The following ANO2 variants were observed in gnomAD, a reference collection of about 807,000 sequenced individuals.
The protein encoded by ANO2 is anoctamin 2, also known as anoctamin-2.
In ANO2, 101 loss-of-function variants were observed where a neutral mutation model predicts 124.2. The ratio of observed to expected loss-of-function variants is 0.81; its 90% CI spans 0.69 to 0.96. ANO2 has a LOEUF of 0.96. Ranked by LOEUF, ANO2 falls within the 40% of genes least tolerant of loss-of-function variation. The probability of loss-of-function intolerance (pLI) is 0.00; values close to 1 mark genes in which losing one functional copy is unlikely to be tolerated. For missense variants in ANO2, 1,293 were observed against 1,274.5 expected (o/e 1.01, Z -0.22); for synonymous variants, 486 against 482.5 (o/e 1.01, Z -0.09).
At chr12:5,922,594 C>CA (rs1941759973) in intron 2 of ANO2, 26 bp downstream of exon 2, 1 of 1,474,640 alleles carries the variant, frequency 6.8e-7, no homozygotes, top group Admixed American at 2.1e-5. Context: ...GCCTATCCCC[C>CA]CACCCCACCC....
intron 3 of ANO2, among the ~76,000 whole-genome samples, chr12:5,895,848 G>T (rs1412317269): frequency 6.6e-6 from 1 of 151,986 alleles, no homozygotes; most frequent in Non-Finnish European, 1.5e-5. Context: ...TATGTTTACA[G>T]CAGCACAATT....
intron 15 of ANO2, among the ~76,000 whole-genome samples, chr12:5,647,427 C>A (rs1052571376): frequency 6.6e-6 from 1 of 152,190 alleles, no homozygotes; most frequent in Non-Finnish European, 1.5e-5. Flanking sequence ...GAGAGGGCCA[C>A]CCCACAGCCC....
chr12:5,928,470 C>T (rs28510535), intron 1 of ANO2, among the ~76,000 whole-genome samples: 16,268 of 90,530 alleles, frequency 0.18, 5,615 homozygotes, highest in East Asian at 0.65. Flanking sequence ...TTTCCTTCGT[C>T]ACTAGTCTAC....
chr12:5,800,147 G>C (rs1047177049), intron 9 of ANO2, among the ~76,000 whole-genome samples: 4 of 152,180 alleles, frequency 2.6e-5, no homozygotes, highest in Non-Finnish European at 5.9e-5. Context: ...CACAAAGGAA[G>C]GGGGGAGGGT....
intron 2 of ANO2, 123 bp from the exon 3 acceptor site, chr12:5,921,489 G>A (rs1941700136): frequency 4.3e-6 from 4 of 936,678 alleles, no homozygotes; most frequent in African/African-American, 1.7e-5. Context: ...CAGGCCCAAA[G>A]GCCCCCAGTG....
At chr12:5,899,742 G>A (rs1940053880) in intron 3 of ANO2, among the ~76,000 whole-genome samples, 1 of 152,190 alleles carries the variant, frequency 6.6e-6, no homozygotes, top group Non-Finnish European at 1.5e-5. Flanking sequence ...CATGTCATCT[G>A]CTGGTCTAGC....
chr12:5,638,527 G>T (rs561178860), intron 15 of ANO2, among the ~76,000 whole-genome samples: 1 of 117,756 alleles, frequency 8.5e-6, no homozygotes, highest in Non-Finnish European at 1.9e-5. Context: ...GAGCCACCAT[G>T]GCCGGCCCAC....
rs74978582 is a variant in ANO2 at position 5,631,992 on chromosome 12, G to A, written c.1816+3160C>T. Among the ~76,000 whole-genome samples the A allele has an allele frequency of 2.6e-3, 396 of 152,256 alleles. 1 individual carries two copies. Among genetic ancestry groups the A allele is most frequent in the African/African-American group, 8.9e-3 (368 of 41,542 alleles). On this transcript the variant is annotated intron_variant, in intron 16 of 24. Coordinates refer to ENST00000682330, the MANE Select transcript of ANO2 (RefSeq NM_001364791.2). The stretch of plus-strand genomic sequence containing the variant: ...AGAGGCTGAGGACAATGGCACAGGC[G>A]TTAGGCTGTGAAAACCATCCAGACA...
At position 5,929,859 on chromosome 12, in the gene ANO2, C is replaced by T. The variant is rs773010082; in HGVS notation, c.23-7055G>A. 4.0e-3 allele frequency among the ~76,000 whole-genome samples: 546 copies of T among 136,896 alleles called. 11 individuals are homozygous for T. Among genetic ancestry groups the T allele is most frequent in the African/African-American group, 0.017 (511 of 29,880 alleles). The allele number at this position is 136,896 out of a possible 152,430, so 89.8% of individuals were successfully genotyped here. ...CTTACTAGTCTACCTTCTTTCCTCA[C>T]TCGTCTGCCTTCTTTCCTTATTAGT... is the stretch of plus-strand genomic sequence containing the variant. On this transcript the variant is annotated intron_variant, in intron 1 of 24. Coordinates refer to ENST00000682330, the MANE Select transcript of ANO2 (RefSeq NM_001364791.2).
intron 14 of ANO2, among the ~76,000 whole-genome samples, chr12:5,702,747 A>T (rs968695210): frequency 6.6e-6 from 1 of 152,202 alleles, no homozygotes; most frequent in African/African-American, 2.4e-5. Context: ...GACATTTCTT[A>T]AGACACAAAA....
intron 15 of ANO2, among the ~76,000 whole-genome samples, chr12:5,646,005 G>A (rs1565516652): frequency 6.6e-6 from 1 of 152,270 alleles, no homozygotes; most frequent in African/African-American, 2.4e-5. Context: ...TCCATAACAA[G>A]TTTTTTCTGC....
At chr12:5,587,124 C>T (rs1245022015) in intron 20 of ANO2, among the ~76,000 whole-genome samples, 2 of 152,184 alleles carry the variant, frequency 1.3e-5, no homozygotes, top group Admixed American at 1.3e-4. Flanking sequence ...TCACTTCTTT[C>T]ATTCTTCCTT....
chr12:5,854,795 A>G (rs1955047976), intron 3 of ANO2, among the ~76,000 whole-genome samples: 2 of 152,220 alleles, frequency 1.3e-5, no homozygotes, highest in East Asian at 3.8e-4. Flanking sequence ...CATGAAAAAT[A>G]AGGACAGAAA....
chr12:5,620,556 T>C (rs142724545), intron 16 of ANO2, among the ~76,000 whole-genome samples: 6 of 151,856 alleles, frequency 4.0e-5, no homozygotes, highest in African/African-American at 1.5e-4. Context: ...TCTATAGGAG[T>C]TGAATTGGAA....
rs56347776 is a variant in ANO2 at position 5,809,048 on chromosome 12, C to T, written c.893-1680G>A. 3.2e-3 allele frequency among the ~76,000 whole-genome samples: 482 copies of T among 152,280 alleles called. 4 individuals carry two copies. Among genetic ancestry groups the T allele is most frequent in the Non-Finnish European group, 5.9e-3 (399 of 68,032 alleles). On this transcript the variant is annotated intron_variant, in intron 7 of 24. Transcript: ENST00000682330. Reference sequence around the variant, plus strand: ...TGCGTCACCAAAGGGCCAGTCCTTTCCTGATTTTAAGTTTCTTCCTTGGCA... The same window carrying T: ...TGCGTCACCAAAGGGCCAGTCCTTTTCTGATTTTAAGTTTCTTCCTTGGCA...
At chr12:5,911,174 C>T (rs1941024851) in intron 3 of ANO2, among the ~76,000 whole-genome samples, 1 of 152,154 alleles carries the variant, frequency 6.6e-6, no homozygotes, top group Non-Finnish European at 1.5e-5. Context: ...GTCTGCTTCC[C>T]TTGAAAGCAG....
intron 14 of ANO2, among the ~76,000 whole-genome samples, chr12:5,697,903 G>T (rs867500190): frequency 2.6e-5 from 4 of 152,236 alleles, no homozygotes; most frequent in Admixed American, 6.5e-5. Context: ...CAGCAAGGCT[G>T]GGGGAGGGGC....
intron 3 of ANO2, among the ~76,000 whole-genome samples, chr12:5,889,039 G>T (rs2136270059): frequency 6.6e-6 from 1 of 152,352 alleles, no homozygotes; most frequent in African/African-American, 2.4e-5. Context: ...CCCGCCCCGT[G>T]GGGAGGCAGC....
At chr12:5,631,134 C>A (rs1012144013) in intron 16 of ANO2, among the ~76,000 whole-genome samples, 1 of 152,160 alleles carries the variant, frequency 6.6e-6, no homozygotes, top group Admixed American at 6.5e-5. Flanking sequence ...TTTATTACCC[C>A]AGCAGAGCCT....
Sources: gnomAD v4.1 joint callset for allele counts (sites outside exome capture counted in the v4.1 genomes callset) on GRCh38, gnomAD v4.1.1 for gene constraint, MANE v1.5 for transcripts, NCBI Gene and HGNC (gene_info 2026-07-23, HGNC 2026-07-21) for gene names.